HEATR4: variants seen among roughly 807,000 people sequenced by gnomAD.
The protein encoded by HEATR4 is HEAT repeat containing 4, also known as HEAT repeat-containing protein 4.
In HEATR4, 95 loss-of-function variants were observed where a neutral mutation model predicts 108.8. The observed-to-expected ratio is 0.87, with a 90% CI of 0.74 to 1.04. HEATR4 has a LOEUF of 1.04. HEATR4 is among the 50% of genes least tolerant of loss of function. The pLI, the probability that HEATR4 is intolerant of heterozygous loss-of-function variation, is 0.00. For missense variants in HEATR4, 1,152 were observed against 1,253.8 expected (o/e 0.92, Z 1.23); for synonymous variants, 443 against 459.4 (o/e 0.96, Z 0.46).
chr14:73,559,409 C>G (rs1235397794), upstream of HEATR4, among the ~76,000 whole-genome samples: 1 of 151,852 alleles, frequency 6.6e-6, no homozygotes, highest in African/African-American at 2.4e-5. Context: ...TGTGAGCCAC[C>G]ACACCTAGCC....
the HEATR4 span, among the ~76,000 whole-genome samples, chr14:73,576,799 A>AAAAAAAAAAG: frequency 7.0e-6 from 1 of 143,040 alleles, no homozygotes; most frequent in Non-Finnish European, 1.5e-5. Context: ...GTCTCAAAAA[A>AAAAAAAAAAG]AAAAAAAAAA....
chr14:73,523,250 T>C, intron 2 of HEATR4, 26 bp from the exon 3 acceptor site: 1 of 1,235,006 alleles, frequency 8.1e-7, no homozygotes, highest in Non-Finnish European at 1.1e-6. Flanking sequence ...GAGGAACTGA[T>C]GAGAACTCTA....
the HEATR4 span, chr14:73,612,785 T>C: frequency 1.5e-6 from 2 of 1,363,176 alleles, no homozygotes; most frequent in African/African-American, 1.5e-5. Flanking sequence ...GGGAGGCAGC[T>C]TCGCGGGGCT....
chr14:73,588,899 G>T, the HEATR4 span, among the ~76,000 whole-genome samples: 1 of 151,826 alleles, frequency 6.6e-6, no homozygotes, highest in South Asian at 2.1e-4. Context: ...TATCTGGGTT[G>T]TTTACTTTTT....
chr14:73,587,125 C>A, the HEATR4 span, among the ~76,000 whole-genome samples: 1 of 123,718 alleles, frequency 8.1e-6, no homozygotes, highest in African/African-American at 3.4e-5. Context: ...TGATTCCCTG[C>A]CTGGTGTAAA....
chr14:73,607,291 C>CAG, the HEATR4 span, among the ~76,000 whole-genome samples: 1 of 152,146 alleles, frequency 6.6e-6, no homozygotes, highest in Non-Finnish European at 1.5e-5. Context: ...GTCTGGGTGA[C>CAG]AGAGAGAGAC....
chr14:73,588,873 G>A, the HEATR4 span, among the ~76,000 whole-genome samples: 65 of 152,054 alleles, frequency 4.3e-4, no homozygotes, highest in Non-Finnish European at 6.9e-4. Context: ...AAAGTCTGAT[G>A]CTCTATCAAC....
chr14:73,564,536 G>T, the HEATR4 span, among the ~76,000 whole-genome samples: 2 of 151,274 alleles, frequency 1.3e-5, no homozygotes, highest in Admixed American at 6.6e-5. Context: ...AGCCTGGGAG[G>T]TTGAGGCTGC....
the HEATR4 span, among the ~76,000 whole-genome samples, chr14:73,605,497 A>G: frequency 2.7e-5 from 4 of 150,398 alleles, no homozygotes; most frequent in Non-Finnish European, 5.9e-5. Context: ...GACTACTGAC[A>G]TCAACCACAA....
chr14:73,629,304 T>C, the HEATR4 span, among the ~76,000 whole-genome samples: 5 of 152,240 alleles, frequency 3.3e-5, 1 homozygote, highest in Non-Finnish European at 7.3e-5. Flanking sequence ...ACCTTTTATA[T>C]GCACTGGGAA....
At chr14:73,595,047 A>G in the HEATR4 span, 1 of 1,612,514 alleles carries the variant, frequency 6.2e-7, no homozygotes, top group Non-Finnish European at 8.5e-7. Context: ...CTTTTCTTCC[A>G]GGTAAAAGGC....
chr14:73,573,398 C>G, the HEATR4 span: 1 of 1,613,476 alleles, frequency 6.2e-7, no homozygotes, highest in Non-Finnish European at 8.5e-7. Context: ...AACCTGGGCC[C>G]TTTCCTGGGA....
Position 73,535,320 on chromosome 14 carries a change from G to C in HEATR4, c.-151-5076C>G, listed in dbSNP as rs1888821394. Among the ~76,000 whole-genome samples, 2 of 113,546 alleles carry C rather than the reference G, an allele frequency of 1.8e-5. 1 individual carries two copies. The highest frequency in any genetic ancestry group is 3.8e-5 in the Non-Finnish European group (2 of 52,418). The allele number at this position is 113,546 out of a possible 152,430, so 74.5% of individuals were successfully genotyped here. A position where few individuals can be genotyped will look rare whatever the true frequency, so the allele number is the denominator to read the frequency against. On this transcript the variant is annotated intron_variant, in intron 1 of 17. Transcript: ENST00000553558. ...AGATTGCCATGAAAAGGTCATACCAGTTTATATATCCACCAATATGAGTTT... is the reference window on the plus strand; with the variant it reads ...AGATTGCCATGAAAAGGTCATACCACTTTATATATCCACCAATATGAGTTT...
chr14:73,529,746 G>A (rs1390797021), intron 2 of HEATR4, among the ~76,000 whole-genome samples: 1 of 152,168 alleles, frequency 6.6e-6, no homozygotes, highest in Admixed American at 6.6e-5. Context: ...TGTGCTAAAA[G>A]GAGTAATATC....
At chr14:73,595,773 A>G in the HEATR4 span, 1 of 1,245,746 alleles carries the variant, frequency 8.0e-7, no homozygotes. Context: ...TTAATGGTGT[A>G]TTTTACGTAA....
chr14:73,520,645 C>T (rs1887915413), intron 4 of HEATR4: 14 of 498,054 alleles, frequency 2.8e-5, no homozygotes, highest in Non-Finnish European at 3.9e-5. Context: ...ATAGAGAAAG[C>T]GGGGAGAGAG....
the HEATR4 span, among the ~76,000 whole-genome samples, chr14:73,624,467 T>C: frequency 6.6e-6 from 1 of 152,094 alleles, no homozygotes; most frequent in African/African-American, 2.4e-5. Flanking sequence ...CCGGGTGCAG[T>C]GGTACCCACT....
chr14:73,586,033 A>C, the HEATR4 span, among the ~76,000 whole-genome samples: 3 of 151,362 alleles, frequency 2.0e-5, no homozygotes, highest in Non-Finnish European at 2.9e-5. Context: ...AAAAAAAAAA[A>C]AACGTAAACT....
the HEATR4 span, among the ~76,000 whole-genome samples, chr14:73,599,891 T>A: frequency 6.6e-6 from 1 of 152,098 alleles, no homozygotes; most frequent in Non-Finnish European, 1.5e-5. Flanking sequence ...TAACACCCAT[T>A]CCTCTTCTAT....
Sources: allele counts gnomAD v4.1 joint callset (sites outside exome capture counted in the v4.1 genomes callset), GRCh38; gene constraint gnomAD v4.1.1; transcripts MANE v1.5; gene names NCBI Gene and HGNC (gene_info 2026-07-23, HGNC 2026-07-21).